Variants in CAST observed in about 807,000 individuals in gnomAD.
CAST encodes the protein MIR583 host.
Under a neutral mutation model 119.6 loss-of-function variants are expected in CAST, and 76 were observed. The ratio of observed to expected loss-of-function variants is 0.64; its 90% CI spans 0.53 to 0.77. CAST has a LOEUF of 0.77. Ranked by LOEUF, CAST falls within the 30% of genes least tolerant of loss-of-function variation. CAST has a pLI of 0.00. For synonymous variants in CAST, 319 were observed against 331.6 expected (o/e 0.96, Z 0.41); for missense variants, 953 against 946.5 (o/e 1.01, Z -0.09).
the CAST span, among the ~76,000 whole-genome samples, chr5:95,966,584 A>AC: frequency 3.9e-5 from 6 of 151,984 alleles, no homozygotes. Flanking sequence ...AAAAAAAAAA[A>AC]TTGTGATTTG....
In CAST at chr5:96,722,701, A is replaced by G; in HGVS notation, c.270+3A>G. On this transcript the variant is annotated splice_donor_region_variant and intron_variant, in intron 4 of 31. Transcript: ENST00000675179. Reference sequence around the variant, plus strand: ...GTATGAATCCCACAGAAACCAAGGTATGAAGAATGCTAATTGAGTGAGTGC... The same window carrying G: ...GTATGAATCCCACAGAAACCAAGGTGTGAAGAATGCTAATTGAGTGAGTGC... 1 of 1,606,010 alleles carries G rather than the reference A, an allele frequency of 6.2e-7. No homozygotes were observed.
At chr5:96,054,238 TA>T in the CAST span, among the ~76,000 whole-genome samples, 1 of 152,090 alleles carries the variant, frequency 6.6e-6, no homozygotes, top group Non-Finnish European at 1.5e-5. Flanking sequence ...CTTTTTATTT[TA>T]AAAAAATATT....
chr5:96,357,965 T>A, the CAST span, among the ~76,000 whole-genome samples: 9 of 152,096 alleles, frequency 5.9e-5, 2 homozygotes, highest in African/African-American at 2.2e-4. Context: ...GGTCCTGAAC[T>A]TTTTTTTGTT....
chr5:96,410,246 C>T, the CAST span, among the ~76,000 whole-genome samples: 3 of 152,186 alleles, frequency 2.0e-5, no homozygotes, highest in African/African-American at 7.2e-5. Flanking sequence ...ACGACCTCCC[C>T]GAGCTGCTTA....
the CAST span, among the ~76,000 whole-genome samples, chr5:96,349,867 A>T: frequency 6.6e-6 from 1 of 152,136 alleles, no homozygotes; most frequent in Non-Finnish European, 1.5e-5. Flanking sequence ...ATTGAAGGCA[A>T]GAAGGAAAGG....
chr5:96,456,411 C>T, the CAST span, among the ~76,000 whole-genome samples: 1 of 152,140 alleles, frequency 6.6e-6, no homozygotes, highest in Non-Finnish European at 1.5e-5. Flanking sequence ...GAGGCAAAAT[C>T]TCTTACATGT....
chr5:96,077,844 A>C, the CAST span, among the ~76,000 whole-genome samples: 3 of 152,130 alleles, frequency 2.0e-5, no homozygotes, highest in African/African-American at 7.2e-5. Context: ...TTTCTTTATA[A>C]ATTATCCAGC....
At chr5:96,450,840 C>G in the CAST span, among the ~76,000 whole-genome samples, 2 of 152,172 alleles carry the variant, frequency 1.3e-5, no homozygotes, top group African/African-American at 2.4e-5. Flanking sequence ...TTTTCATCCT[C>G]TGTGCCAGAC....
At chr5:96,194,281 G>A in the CAST span, among the ~76,000 whole-genome samples, 1 of 152,160 alleles carries the variant, frequency 6.6e-6, no homozygotes, top group Non-Finnish European at 1.5e-5. Flanking sequence ...ATCATTTGAG[G>A]AGCTTTTAAA....
Position 96,762,368 on chromosome 5 carries a change from C to T in CAST, c.1928C>T (p.Thr643Ile). ...TTQAGAPPRD[T>I]SQSDKDLDDA... ...CAAGCTGGAGCCCCACCCCGTGATA[C>T]CTCGGTAAGCAGCACATCTTATTTG... Residue 643 changes from threonine to isoleucine, a missense_variant, in exon 25 of 32, where the codon ACC becomes ATC. By Grantham distance (89) the Thr-to-Ile change is moderately conservative. Coordinates refer to ENST00000675179, the MANE Select transcript of CAST (RefSeq NM_001750.7). 6.3e-7 allele frequency: 1 copy of T among 1,588,182 alleles called. No individual in the cohort carries two copies.
At chr5:96,409,675 T>C in the CAST span, among the ~76,000 whole-genome samples, 1 of 152,154 alleles carries the variant, frequency 6.6e-6, no homozygotes, top group East Asian at 1.9e-4. Flanking sequence ...CCCAGGGAAA[T>C]GACAACAGCC....
At chr5:96,106,292 C>A in the CAST span, among the ~76,000 whole-genome samples, 4 of 152,066 alleles carry the variant, frequency 2.6e-5, no homozygotes, top group Non-Finnish European at 5.9e-5. Flanking sequence ...TCTTGCTTTT[C>A]TAGTTCTTTT....
chr5:96,090,876 G>A, the CAST span, among the ~76,000 whole-genome samples: 3 of 151,752 alleles, frequency 2.0e-5, no homozygotes, highest in East Asian at 1.9e-4. Flanking sequence ...AGATGCTGCC[G>A]AAGCTTGAGG....
chr5:96,558,885 C>G (rs974508411), intron 1 of CAST, among the ~76,000 whole-genome samples: 4 of 152,018 alleles, frequency 2.6e-5, no homozygotes, highest in African/African-American at 9.7e-5. Context: ...GATACCAAAG[C>G]CTGGCAGAGA....
chr5:96,215,770 TAATA>T, the CAST span, among the ~76,000 whole-genome samples: 4 of 152,112 alleles, frequency 2.6e-5, no homozygotes, highest in African/African-American at 9.7e-5. Flanking sequence ...CATTTTCACC[TAATA>T]AATAATAAAT....
the CAST span, chr5:96,432,924 G>A: frequency 6.2e-7 from 1 of 1,614,172 alleles, no homozygotes; most frequent in Non-Finnish European, 8.5e-7. Flanking sequence ...CGGGCCCCCG[G>A]GGATCTCCGC....
At chr5:96,353,120 TA>T in the CAST span, among the ~76,000 whole-genome samples, 75 of 150,944 alleles carry the variant, frequency 5.0e-4, 1 homozygote, top group African/African-American at 1.6e-3. Flanking sequence ...TACTGATTGA[TA>T]AAAAAAAACA....
the CAST span, among the ~76,000 whole-genome samples, chr5:96,513,169 C>G: frequency 5.3e-5 from 8 of 152,316 alleles, no homozygotes; most frequent in African/African-American, 1.9e-4. Flanking sequence ...CTCTGCCAGC[C>G]TGGTTAGTGG....
the CAST span, among the ~76,000 whole-genome samples, chr5:96,100,596 C>T: frequency 6.6e-6 from 1 of 152,168 alleles, no homozygotes; most frequent in African/African-American, 2.4e-5. Context: ...CACTCTCTAC[C>T]TGGGTGGGCT....
Sources: gnomAD v4.1 joint callset for allele counts (sites outside exome capture counted in the v4.1 genomes callset) on GRCh38, gnomAD v4.1.1 for gene constraint, MANE v1.5 for transcripts, NCBI Gene and HGNC (gene_info 2026-07-23, HGNC 2026-07-21) for gene names.